The following MEIOB variants were observed in gnomAD, a reference collection of about 807,000 sequenced individuals.
The protein encoded by MEIOB is meiosis specific with OB-fold.
A neutral mutation model predicts 53.1 loss-of-function variants in MEIOB; 50 were observed. The observed-to-expected ratio is 0.94, with a 90% confidence interval of 0.75 to 1.19. The LOEUF (loss-of-function observed/expected upper bound fraction) is 1.19, where lower values mean the gene tolerates loss of function less well. Among genes scored for constraint, MEIOB ranks in the 50% most tolerant of loss-of-function variants. The pLI is 0.00. For missense variants in MEIOB, 551 were observed against 550.8 expected, an observed-to-expected ratio of 1.00 and a Z score of 0.00; for synonymous variants, 192 against 182.5, an observed-to-expected ratio of 1.05 and a Z score of -0.42.
chr16:1,846,982 C>T (rs1006922578), intron 9 of MEIOB, among the ~76,000 whole-genome samples: 1 of 151,924 alleles, frequency 6.6e-6, no homozygotes, highest in African/African-American at 2.4e-5. Context: ...TGGTGAAACC[C>T]CGTCTCTACT....
chr16:1,837,389 A>G (rs1027563441), intron 13 of MEIOB, among the ~76,000 whole-genome samples: 2 of 152,116 alleles, frequency 1.3e-5, no homozygotes, highest in African/African-American at 4.8e-5. Context: ...TTCAGGGGCC[A>G]AGAGAGGGGT....
Position 1,841,857 on chromosome 16 carries a change from T to A in MEIOB, c.997A>T (p.Ile333Phe), listed in dbSNP as rs549508483. The A allele has an allele frequency of 6.2e-7, 1 of 1,601,648 alleles. No homozygotes were observed. Among genetic ancestry groups the A allele is most frequent in the South Asian group, 1.1e-5 (1 of 87,226 alleles). The change falls in exon 11 of 14, where the codon ATT becomes TTT. Residue 333 changes from isoleucine to phenylalanine, a missense_variant. Transcript: ENST00000325962. ...ILYAYISTLN[I>F]DDETTKVVRN... ...ACTACTTTTGTAGTTTCATCATCAA[T>A]GTTGAGTGTGGAAATGTAGGCATAA...
At chr16:1,861,484 C>T (rs1467529094) in intron 4 of MEIOB, among the ~76,000 whole-genome samples, 1 of 149,476 alleles carries the variant, frequency 6.7e-6, no homozygotes, top group African/African-American at 2.5e-5. Context: ...AAAAATATAA[C>T]TATCACATTT....
intron 4 of MEIOB, among the ~76,000 whole-genome samples, chr16:1,861,208 A>G (rs927218659): frequency 1.3e-5 from 2 of 152,200 alleles, no homozygotes; most frequent in Admixed American, 6.6e-5. Flanking sequence ...TTCCTACTAT[A>G]TGAGGCTGTT....
chr16:1,861,350 C>T (rs1467750649), intron 4 of MEIOB, among the ~76,000 whole-genome samples: 1 of 152,068 alleles, frequency 6.6e-6, no homozygotes, highest in Non-Finnish European at 1.5e-5. Flanking sequence ...CAAATGTCAA[C>T]TTTTATCAAA....
In MEIOB at chr16:1,847,146, C is replaced by T. The variant is rs527365243; in HGVS notation, c.779-2183G>A. On this transcript the variant is annotated intron_variant, in intron 9 of 13. Coordinates refer to ENST00000325962, the MANE Select transcript of MEIOB (RefSeq NM_001163560.3). ...CTCCAGCCTGGGCGACATAGCAAGA[C>T]TCCATTTCAAAAAAAGAGAAAAAGC... Among the ~76,000 whole-genome samples the T allele has an allele frequency of 1.4e-3, 210 of 152,062 alleles. 1 individual carries two copies. Among genetic ancestry groups the T allele is most frequent in the African/African-American group, 4.8e-3 (200 of 41,474 alleles).
At position 1,869,904 on chromosome 16, in the gene MEIOB, C is replaced by T. The variant is rs1449314093; in HGVS notation, c.-9-1720G>A. Among the ~76,000 whole-genome samples the T allele has an allele frequency of 2.3e-5, 3 of 133,004 alleles. No individual in the cohort carries two copies. In the East Asian group the frequency reaches 6.7e-4, roughly 30 times the overall value. The allele number at this position is 133,004 out of a possible 152,430, so 87.3% of individuals were successfully genotyped here. A position where few individuals can be genotyped will look rare whatever the true frequency, so the allele number is the denominator to read the frequency against. On this transcript the variant is annotated intron_variant, in intron 1 of 13. Transcript: ENST00000325962. The stretch of plus-strand genomic sequence containing the variant: ...TTTTTTTTTTTGAGACGGAGTCTCG[C>T]TCTGTCGCCCAGGATGGAGTGCAGT...
Position 1,839,330 on chromosome 16 carries a change from A to C in MEIOB, c.1143T>G (p.Asp381Glu). The change falls in exon 12 of 14, where the codon GAT becomes GAG. Residue 381 changes from aspartate to glutamate, a missense_variant. Asp to Glu is a conservative substitution (Grantham distance 45). Coordinates refer to ENST00000325962, the MANE Select transcript of MEIOB (RefSeq NM_001163560.3). ...SVFLSFHVLI[D>E]LTDHTGTLHS... ...GAAGGGTGCCTGTGTGATCAGTCAG[A>C]TCAATCAGCACATGGAAACTGAGAA... The C allele has an allele frequency of 1.2e-6, 2 of 1,614,164 alleles. No individual in the cohort carries two copies. The highest frequency in any genetic ancestry group is 1.7e-6 in the Non-Finnish European group (2 of 1,180,052).
chr16:1,841,813 T>C lies in MEIOB; in HGVS notation c.1034+7A>G, dbSNP rs1567273330. On this transcript the variant is annotated splice_region_variant and intron_variant, in intron 11 of 13. Coordinates refer to ENST00000325962, the MANE Select transcript of MEIOB (RefSeq NM_001163560.3). Reference sequence around the variant, plus strand: ...ATGAATTTGCTAAAAGTGACACGGATCCTTACCATCTATTTCGAACTACTT... The same window carrying C: ...ATGAATTTGCTAAAAGTGACACGGACCCTTACCATCTATTTCGAACTACTT... The C allele has an allele frequency of 6.5e-7, 1 of 1,544,488 alleles. No individual in the cohort carries two copies. The highest frequency in any genetic ancestry group is 8.7e-7 in the Non-Finnish European group (1 of 1,146,448).
At chr16:1,871,457 G>A (rs1596990213) in intron 1 of MEIOB, among the ~76,000 whole-genome samples, 1 of 131,268 alleles carries the variant, frequency 7.6e-6, no homozygotes, top group Non-Finnish European at 1.6e-5. Flanking sequence ...CTGACCTCGT[G>A]ATCCACCCGC....
intron 1 of MEIOB, among the ~76,000 whole-genome samples, chr16:1,871,052 G>A (rs1391446616): frequency 1.3e-5 from 2 of 151,992 alleles, no homozygotes; most frequent in Admixed American, 6.6e-5. Flanking sequence ...GTCTGCTACC[G>A]TTAGAGGTAT....
intron 2 of MEIOB, among the ~76,000 whole-genome samples, chr16:1,867,796 T>C (rs1281484157): frequency 6.6e-6 from 1 of 152,154 alleles, no homozygotes; most frequent in Non-Finnish European, 1.5e-5. Flanking sequence ...AATGCTAAAT[T>C]TGAGCATTTA....
At position 1,842,301 on chromosome 16, in the gene MEIOB, CT is replaced by C. The variant is rs1330196294; in HGVS notation, c.881-329del. Among the ~76,000 whole-genome samples the C allele has an allele frequency of 2.1e-4, 32 of 151,994 alleles. No individual in the cohort carries two copies. The East Asian group carries it at 3.3e-3, about 16-fold the overall frequency. On this transcript the variant is annotated intron_variant, in intron 10 of 13. Transcript: ENST00000325962. Reference sequence around the variant, plus strand: ...CTCATCCAGAATTATCTAAAGAATTCTTAAATATCAATTAGAAAAAGACAGT... The same window carrying C: ...CTCATCCAGAATTATCTAAAGAATTCTAAATATCAATTAGAAAAAGACAGT...
chr16:1,841,768 A>G, intron 11 of MEIOB, 52 bp downstream of exon 11: 1 of 1,339,740 alleles, frequency 7.5e-7, no homozygotes, highest in Non-Finnish European at 9.9e-7. Flanking sequence ...ATTTATTAAC[A>G]ATAATTATTT....
At chr16:1,859,222 A>C (rs1019480778) in intron 5 of MEIOB, among the ~76,000 whole-genome samples, 1 of 152,200 alleles carries the variant, frequency 6.6e-6, no homozygotes, top group African/African-American at 2.4e-5. Flanking sequence ...GATGGGAGAA[A>C]GTTCTATGCA....
intron 1 of MEIOB, among the ~76,000 whole-genome samples, chr16:1,871,030 A>T (rs1334368985): frequency 6.6e-6 from 1 of 151,876 alleles, no homozygotes; most frequent in African/African-American, 2.4e-5. Flanking sequence ...ATCTCTCTGA[A>T]TTCCCTTATT....
At chr16:1,860,703 G>T (rs994357021) in intron 4 of MEIOB, among the ~76,000 whole-genome samples, 4 of 152,060 alleles carry the variant, frequency 2.6e-5, no homozygotes, top group African/African-American at 9.7e-5. Context: ...ATTTATTCAA[G>T]GGATGTCTAT....
At chr16:1,870,075 T>A (rs1363108321) in intron 1 of MEIOB, among the ~76,000 whole-genome samples, 3 of 151,888 alleles carry the variant, frequency 2.0e-5, no homozygotes, top group African/African-American at 7.3e-5. Context: ...GGTTTCACTG[T>A]GTTAGCCAGG....
Position 1,865,817 on chromosome 16 carries a change from T to A in MEIOB, c.88A>T (p.Ile30Phe). The change falls in exon 3 of 14, where the codon ATT (isoleucine) becomes TTT (phenylalanine). Residue 30 changes from isoleucine to phenylalanine, a missense_variant. Transcript: ENST00000325962. ...AAGCCTTTGACATCTGTTTTCCCAA[T>A]AACTATACCGATAACTTTCTGAAAA... ...MANLKVIGIVIGKTDVKGFPD... is the reference protein window; with the variant it reads ...MANLKVIGIVFGKTDVKGFPD... 1 of 1,548,740 alleles carries A rather than the reference T, an allele frequency of 6.5e-7. No individual in the cohort carries two copies. The highest frequency in any genetic ancestry group is 8.7e-7 in the Non-Finnish European group (1 of 1,146,132).
Sources: gnomAD v4.1 joint callset for allele counts (sites outside exome capture counted in the v4.1 genomes callset) on GRCh38, gnomAD v4.1.1 for gene constraint, MANE v1.5 for transcripts, NCBI Gene and HGNC (gene_info 2026-07-23, HGNC 2026-07-21) for gene names.